LINGO2: variants seen among roughly 807,000 people sequenced by gnomAD.
The protein encoded by LINGO2 is leucine rich repeat and Ig domain containing 2.
A neutral mutation model predicts 30.6 loss-of-function variants in LINGO2; 14 were observed. The ratio of observed to expected loss-of-function variants is 0.46; its 90% CI spans 0.30 to 0.72. LINGO2 has a LOEUF of 0.72. Among genes scored for constraint, LINGO2 ranks in the 30% least tolerant of loss-of-function variants. LINGO2 has a pLI of 0.07. For missense variants in LINGO2, 729 were observed against 751.7 expected, an observed-to-expected ratio of 0.97 and a Z score of 0.35; for synonymous variants, 317 against 288.5, an observed-to-expected ratio of 1.10 and a Z score of -1.00.
At chr9:28,664,033 T>C (rs1378827569) in intron 1 of LINGO2, among the ~76,000 whole-genome samples, 2 of 152,148 alleles carry the variant, frequency 1.3e-5, no homozygotes, top group African/African-American at 2.4e-5. Context: ...ATTTGGTAAA[T>C]AGAAGTAAGA....
rs11325617 is a variant in LINGO2 at position 28,199,997 on chromosome 9, GAA to G, written c.-87+95209_-87+95210del. Among the ~76,000 whole-genome samples, 721 of 123,046 alleles carry G rather than the reference GAA, an allele frequency of 5.9e-3. 3 individuals carry two copies. Among genetic ancestry groups the G allele is most frequent in the African/African-American group, 0.011 (351 of 31,814 alleles). 80.7% of individuals were successfully genotyped at this position (123,046 alleles called of 152,430 possible). ...GAAATACCAGTTGAACTTCATTTAG[GAA>G]AAAAAAAAAAAAAAAAGACTTCCTG... On this transcript the variant is annotated intron_variant, in intron 4 of 5. Transcript: ENST00000379992.
the LINGO2 span, among the ~76,000 whole-genome samples, chr9:28,971,009 G>A: frequency 1.4e-4 from 22 of 152,150 alleles, no homozygotes; most frequent in Non-Finnish European, 2.9e-5. Context: ...AGGGAAGAGT[G>A]CAGGAGGACT....
At chr9:28,344,087 A>T (rs1819470117) in intron 3 of LINGO2, among the ~76,000 whole-genome samples, 1 of 152,178 alleles carries the variant, frequency 6.6e-6, no homozygotes, top group African/African-American at 2.4e-5. Context: ...TATCAACAAA[A>T]GTTTATGATA....
At chr9:28,646,530 A>T (rs1331756972) in intron 1 of LINGO2, among the ~76,000 whole-genome samples, 1 of 152,130 alleles carries the variant, frequency 6.6e-6, no homozygotes, top group African/African-American at 2.4e-5. Context: ...AACAGTCTCC[A>T]ACTAATTTTG....
At chr9:28,269,100 C>A (rs1194242277) in intron 4 of LINGO2, among the ~76,000 whole-genome samples, 1 of 152,072 alleles carries the variant, frequency 6.6e-6, no homozygotes, top group Non-Finnish European at 1.5e-5. Context: ...TCAGAACTAT[C>A]ACCTTCTCCC....
At chr9:29,113,717 A>G in the LINGO2 span, among the ~76,000 whole-genome samples, 1 of 152,218 alleles carries the variant, frequency 6.6e-6, no homozygotes, top group Non-Finnish European at 1.5e-5. Context: ...TTCTTCAAAG[A>G]CTTGTAACAG....
the LINGO2 span, among the ~76,000 whole-genome samples, chr9:28,993,671 A>C: frequency 6.6e-6 from 1 of 150,452 alleles, no homozygotes; most frequent in South Asian, 2.1e-4. Context: ...ATCCACCATG[A>C]TCAAGTGGGC....
At chr9:28,236,955 T>A (rs1375010434) in intron 4 of LINGO2, among the ~76,000 whole-genome samples, 2 of 152,086 alleles carry the variant, frequency 1.3e-5, no homozygotes, top group Non-Finnish European at 2.9e-5. Flanking sequence ...TGTCATCATG[T>A]GATTATTATG....
chr9:29,108,549 G>A, the LINGO2 span, among the ~76,000 whole-genome samples: 1 of 152,060 alleles, frequency 6.6e-6, no homozygotes, highest in Non-Finnish European at 1.5e-5. Context: ...ATTTCTATTT[G>A]GCCACAAATG....
At chr9:28,558,087 G>A (rs1822839878) in intron 1 of LINGO2, among the ~76,000 whole-genome samples, 1 of 150,282 alleles carries the variant, frequency 6.7e-6, no homozygotes, top group Non-Finnish European at 1.5e-5. Flanking sequence ...CATGGCACAT[G>A]TATATGTATG....
chr9:28,802,218 A>T, the LINGO2 span, among the ~76,000 whole-genome samples: 83,419 of 151,700 alleles, frequency 0.55, 23,076 homozygotes, highest in Middle Eastern at 0.68. Flanking sequence ...AATGCTTTGC[A>T]TATGGTAGGT....
the LINGO2 span, among the ~76,000 whole-genome samples, chr9:28,813,194 T>C: frequency 6.6e-6 from 1 of 151,948 alleles, no homozygotes; most frequent in East Asian, 1.9e-4. Flanking sequence ...GAAAATGGGA[T>C]ACAGTAGCCC....
intron 4 of LINGO2, among the ~76,000 whole-genome samples, chr9:28,058,610 A>G (rs1825036988): frequency 6.6e-6 from 1 of 152,184 alleles, no homozygotes; most frequent in African/African-American, 2.4e-5. Flanking sequence ...TAAGTTATAC[A>G]AACACCAATG....
intron 2 of LINGO2, among the ~76,000 whole-genome samples, chr9:28,458,241 TTC>T (rs1299686669): frequency 7.9e-5 from 12 of 152,292 alleles, no homozygotes; most frequent in Middle Eastern, 3.4e-3. Context: ...AAATTATATT[TTC>T]TTTTTACCTA....
intron 4 of LINGO2, among the ~76,000 whole-genome samples, chr9:28,104,739 C>T (rs999415077): frequency 6.6e-6 from 1 of 152,052 alleles, no homozygotes; most frequent in African/African-American, 2.4e-5. Flanking sequence ...CCGATTCTCC[C>T]TTGTTAACAC....
the LINGO2 span, among the ~76,000 whole-genome samples, chr9:28,938,134 C>T: frequency 6.6e-6 from 1 of 152,186 alleles, no homozygotes; most frequent in Non-Finnish European, 1.5e-5. Flanking sequence ...TTTCAGAAGT[C>T]TGAAAGCCTT....
chr9:28,606,935 T>C (rs533099233), intron 1 of LINGO2, among the ~76,000 whole-genome samples: 3 of 152,236 alleles, frequency 2.0e-5, no homozygotes, highest in African/African-American at 7.2e-5. Flanking sequence ...GCATATTTCA[T>C]ATAAACATAT....
chr9:29,029,442 A>G, the LINGO2 span, among the ~76,000 whole-genome samples: 4 of 152,144 alleles, frequency 2.6e-5, no homozygotes, highest in Non-Finnish European at 5.9e-5. Context: ...GCCAAAATCA[A>G]TCTTGAAAAT....
At chr9:28,403,213 G>A (rs766785550) in intron 2 of LINGO2, among the ~76,000 whole-genome samples, 28 of 152,212 alleles carry the variant, frequency 1.8e-4, no homozygotes, top group Admixed American at 3.3e-4. Context: ...TGAACTTCAT[G>A]GACTTAATTA....
Sources: allele counts gnomAD v4.1 joint callset (sites outside exome capture counted in the v4.1 genomes callset), GRCh38; gene constraint gnomAD v4.1.1; transcripts MANE v1.5; gene names NCBI Gene and HGNC (gene_info 2026-07-23, HGNC 2026-07-21).